Variants in HS3ST4 observed in about 807,000 individuals in gnomAD.
The protein encoded by HS3ST4 is heparan sulfate glucosamine 3-O-sulfotransferase 4.
A neutral mutation model predicts 29.2 loss-of-function variants in HS3ST4; 17 were observed. The ratio of observed to expected loss-of-function variants is 0.58; its 90% confidence interval spans 0.40 to 0.87. The LOEUF (loss-of-function observed/expected upper bound fraction) is 0.87, where lower values mean the gene tolerates loss of function less well. Ranked by LOEUF, HS3ST4 falls within the 40% of genes least tolerant of loss-of-function variation. The pLI is 0.00. For missense variants in HS3ST4, 627 were observed against 634.5 expected (o/e 0.99, Z 0.13); for synonymous variants, 314 against 285.7 (o/e 1.10, Z -1.00).
At chr16:26,105,247 A>G (rs1217627556) in intron 1 of HS3ST4, among the ~76,000 whole-genome samples, 1 of 152,220 alleles carries the variant, frequency 6.6e-6, no homozygotes, top group Admixed American at 6.5e-5. Flanking sequence ...AGGCAGAAAC[A>G]GAAAACCAAA....
intron 1 of HS3ST4, among the ~76,000 whole-genome samples, chr16:25,927,621 G>C (rs1408586196): frequency 6.6e-6 from 1 of 151,902 alleles, no homozygotes; most frequent in Non-Finnish European, 1.5e-5. Flanking sequence ...GTGGTGAGGA[G>C]CATGGTAAAC....
intron 1 of HS3ST4, among the ~76,000 whole-genome samples, chr16:25,823,237 C>T (rs1967180829): frequency 6.6e-6 from 1 of 152,176 alleles, no homozygotes; most frequent in Admixed American, 6.5e-5. Context: ...TTCAGGGATG[C>T]TCTTACACGT....
chr16:25,818,209 T>G (rs891770612), intron 1 of HS3ST4, among the ~76,000 whole-genome samples: 2 of 152,168 alleles, frequency 1.3e-5, no homozygotes, highest in African/African-American at 4.8e-5. Flanking sequence ...TAATCTCCAG[T>G]GTGATGGTAT....
At chr16:25,876,888 C>T (rs1180889120) in intron 1 of HS3ST4, among the ~76,000 whole-genome samples, 1 of 152,024 alleles carries the variant, frequency 6.6e-6, no homozygotes, top group Non-Finnish European at 1.5e-5. Flanking sequence ...GATTGAACTT[C>T]CTTGTATCAT....
At chr16:25,847,860 A>G (rs1047197877) in intron 1 of HS3ST4, among the ~76,000 whole-genome samples, 3 of 152,202 alleles carry the variant, frequency 2.0e-5, no homozygotes, top group African/African-American at 7.2e-5. Context: ...TGGTTAAGAC[A>G]TTGCTAAATT....
chr16:25,900,900 A>G (rs1313779894), intron 1 of HS3ST4, among the ~76,000 whole-genome samples: 1 of 152,012 alleles, frequency 6.6e-6, no homozygotes, highest in East Asian at 1.9e-4. Context: ...TGATTACATT[A>G]CTCTAGATGC....
rs1371928058 is a variant in HS3ST4 at position 25,828,242 on chromosome 16, C to CTTTTTCTTTCTTTCTTTCTT, written c.734+135092_734+135093insTTTTCTTTCTTTCTTTCTTT. On this transcript the variant is annotated intron_variant, in intron 1 of 1. Transcript: ENST00000331351. Reference sequence around the variant, plus strand: ...CTTTCCTTTCTTTCTTTCTTTCTTTCTCTTTCTTTCTTTCTTTCTTTCTTT... The same window carrying CTTTTTCTTTCTTTCTTTCTT: ...CTTTCCTTTCTTTCTTTCTTTCTTTCTTTTTCTTTCTTTCTTTCTTTCTTTCTTTCTTTCTTTCTTTCTTT... Among the ~76,000 whole-genome samples, 34 of 75,032 alleles carry CTTTTTCTTTCTTTCTTTCTT rather than the reference C, an allele frequency of 4.5e-4. 1 individual carries two copies. In the East Asian group the frequency reaches 4.8e-3, roughly 11 times the overall value. The allele number at this position is 75,032 out of a possible 152,430, so 49.2% of individuals were successfully genotyped here.
intron 1 of HS3ST4, among the ~76,000 whole-genome samples, chr16:26,061,874 A>G (rs575540386): frequency 2.6e-5 from 4 of 152,344 alleles, no homozygotes; most frequent in East Asian, 1.9e-4. Context: ...CCATAGGGAA[A>G]AGGGAAAAGA....
At chr16:25,860,704 A>G (rs1429291340) in intron 1 of HS3ST4, among the ~76,000 whole-genome samples, 3 of 152,192 alleles carry the variant, frequency 2.0e-5, no homozygotes, top group Non-Finnish European at 4.4e-5. Flanking sequence ...GTGGTGGCCA[A>G]GGTCTGGGGA....
chr16:25,913,052 C>T (rs1194627429), intron 1 of HS3ST4, among the ~76,000 whole-genome samples: 3 of 152,142 alleles, frequency 2.0e-5, no homozygotes, highest in Admixed American at 6.5e-5. Flanking sequence ...GTAAAAGATG[C>T]GACAACTTGC....
chr16:25,961,118 T>C (rs969375258), intron 1 of HS3ST4, among the ~76,000 whole-genome samples: 2 of 152,180 alleles, frequency 1.3e-5, no homozygotes, highest in African/African-American at 4.8e-5. Context: ...CCATCTTCCA[T>C]GTGTTTGGAA....
intron 1 of HS3ST4, among the ~76,000 whole-genome samples, chr16:25,968,458 C>A (rs528035603): frequency 6.6e-6 from 1 of 152,240 alleles, no homozygotes; most frequent in East Asian, 1.9e-4. Context: ...ATTTGCTGCC[C>A]CCATCATTTG....
At chr16:25,738,206 TA>T (rs2141596481) in intron 1 of HS3ST4, among the ~76,000 whole-genome samples, 1 of 152,142 alleles carries the variant, frequency 6.6e-6, no homozygotes, top group Admixed American at 6.5e-5. Context: ...GCCCAGCCGA[TA>T]CCTGTAGCTT....
chr16:25,930,931 A>C (rs74356449), intron 1 of HS3ST4, among the ~76,000 whole-genome samples: 1 of 152,114 alleles, frequency 6.6e-6, no homozygotes, highest in East Asian at 1.9e-4. Context: ...CAAAAAAAAA[A>C]CTCAGCTAAT....
intron 1 of HS3ST4, among the ~76,000 whole-genome samples, chr16:25,804,109 A>G (rs1165293164): frequency 6.6e-6 from 1 of 152,124 alleles, no homozygotes; most frequent in Non-Finnish European, 1.5e-5. Flanking sequence ...TAGAATTAGT[A>G]TAAAATGATA....
intron 1 of HS3ST4, among the ~76,000 whole-genome samples, chr16:25,857,876 C>CCCTT (rs1967589624): frequency 2.1e-5 from 2 of 96,466 alleles, no homozygotes; most frequent in East Asian, 4.1e-4. Context: ...GAATTTCTTT[C>CCCTT]TCTTTCTTTC....
chr16:25,855,966 G>A (rs1282827516), intron 1 of HS3ST4, among the ~76,000 whole-genome samples: 2 of 152,124 alleles, frequency 1.3e-5, no homozygotes, highest in Admixed American at 6.6e-5. Context: ...TAAGGCTCTG[G>A]TAAAGTCTTA....
intron 1 of HS3ST4, among the ~76,000 whole-genome samples, chr16:25,900,321 T>G (rs1968109572): frequency 1.3e-5 from 2 of 152,216 alleles, no homozygotes; most frequent in South Asian, 4.1e-4. Context: ...AAAAAATGAA[T>G]GAATAACTTA....
At chr16:25,893,565 AG>A (rs1438122155) in intron 1 of HS3ST4, among the ~76,000 whole-genome samples, 4 of 152,252 alleles carry the variant, frequency 2.6e-5, no homozygotes, top group Non-Finnish European at 4.4e-5. Flanking sequence ...TGGACCAGGG[AG>A]GGTTCCCATT....
Sources: allele counts gnomAD v4.1 joint callset (sites outside exome capture counted in the v4.1 genomes callset), GRCh38; gene constraint gnomAD v4.1.1; transcripts MANE v1.5; gene names NCBI Gene and HGNC (gene_info 2026-07-23, HGNC 2026-07-21).